Variants in TNIK observed in about 807,000 individuals in gnomAD.
TNIK encodes the protein TRAF2 and NCK-interacting protein kinase.
Under a neutral mutation model 191.3 loss-of-function variants are expected in TNIK, and 49 were observed. The observed-to-expected ratio is 0.26, with a 90% confidence interval of 0.20 to 0.32. The LOEUF (loss-of-function observed/expected upper bound fraction) is 0.32. TNIK is among the 10% of genes least tolerant of loss of function. The pLI is 1.00. For synonymous variants in TNIK, 594 were observed against 600.9 expected (o/e 0.99, Z 0.17); for missense variants, 1,155 against 1,702.3 (o/e 0.68, Z 5.66).
chr3:171,099,591 G>A (rs1271010215), intron 22 of TNIK, among the ~76,000 whole-genome samples: 2 of 152,064 alleles, frequency 1.3e-5, no homozygotes, highest in African/African-American at 4.8e-5. Context: ...CAGAAAAGGA[G>A]ACAAAGACCT....
chr3:171,327,900 TAAAAAAAA>T lies in TNIK; in HGVS notation c.123+41712_123+41719del, dbSNP rs71634497. Among the ~76,000 whole-genome samples the T allele has an allele frequency of 9.3e-3, 741 of 79,616 alleles. 5 individuals carry two copies. Among genetic ancestry groups the T allele is most frequent in the African/African-American group, 0.015 (355 of 24,452 alleles). The allele number at this position is 79,616 out of a possible 152,430, so 52.2% of individuals were successfully genotyped here. ...ATCTGTGGCTCCCAAACCTGGCTCA[TAAAAAAAA>T]AAAAAAAAAAAAAAAAAAAAAAATC... On this transcript the variant is annotated intron_variant, in intron 2 of 32. Transcript: ENST00000436636.
At chr3:171,441,072 T>G (rs927629814) in intron 1 of TNIK, among the ~76,000 whole-genome samples, 2 of 152,158 alleles carry the variant, frequency 1.3e-5, no homozygotes, top group Non-Finnish European at 2.9e-5. Context: ...AGAGAACCCA[T>G]CTATCTCTCC....
chr3:171,110,091 C>T (rs565276300), intron 19 of TNIK, among the ~76,000 whole-genome samples: 31 of 152,036 alleles, frequency 2.0e-4, no homozygotes, highest in Non-Finnish European at 3.8e-4. Flanking sequence ...TTTTTAGTAG[C>T]GATGGGGTTT....
intron 4 of TNIK, among the ~76,000 whole-genome samples, chr3:171,205,977 T>C (rs1051078187): frequency 6.6e-6 from 1 of 152,198 alleles, no homozygotes; most frequent in African/African-American, 2.4e-5. Flanking sequence ...GATTTCAATA[T>C]ATGAATTTTG....
At chr3:171,346,557 CTG>C (rs1712223896) in intron 2 of TNIK, among the ~76,000 whole-genome samples, 1 of 152,108 alleles carries the variant, frequency 6.6e-6, no homozygotes, top group South Asian at 2.1e-4. Context: ...AGCTTATAGT[CTG>C]ATAAATATAT....
At chr3:171,073,799 A>C (rs1319354157) in intron 28 of TNIK, among the ~76,000 whole-genome samples, 1 of 151,934 alleles carries the variant, frequency 6.6e-6, no homozygotes, top group South Asian at 2.1e-4. Context: ...CAAAACCACA[A>C]TGAGATGCCA....
intron 1 of TNIK, among the ~76,000 whole-genome samples, chr3:171,449,461 A>G (rs1465444998): frequency 6.6e-6 from 1 of 152,208 alleles, no homozygotes; most frequent in Non-Finnish European, 1.5e-5. Context: ...CCCATGAAAA[A>G]GAGTTTTAAA....
At chr3:171,315,364 G>A (rs973727131) in intron 2 of TNIK, among the ~76,000 whole-genome samples, 1 of 152,056 alleles carries the variant, frequency 6.6e-6, no homozygotes, top group Admixed American at 6.6e-5. Context: ...AACTCACCCT[G>A]ATCTCTTACC....
intron 2 of TNIK, among the ~76,000 whole-genome samples, chr3:171,358,008 C>T (rs546283295): frequency 6.6e-6 from 1 of 152,162 alleles, no homozygotes; most frequent in East Asian, 1.9e-4. Context: ...AGAGGTGCAT[C>T]GGGGAGTGTT....
intron 1 of TNIK, among the ~76,000 whole-genome samples, chr3:171,384,975 T>G (rs1461744752): frequency 6.6e-6 from 1 of 152,178 alleles, no homozygotes; most frequent in Non-Finnish European, 1.5e-5. Context: ...CTAAAGAGAA[T>G]GAAGGAATTT....
chr3:171,210,976 A>T, intron 4 of TNIK, 140 bp downstream of exon 4: 1 of 1,097,574 alleles, frequency 9.1e-7, no homozygotes, highest in Non-Finnish European at 1.3e-6. Flanking sequence ...AAAACCCTGA[A>T]AACAATATGT....
chr3:171,444,406 T>C (rs1054021099), intron 1 of TNIK, among the ~76,000 whole-genome samples: 2 of 152,060 alleles, frequency 1.3e-5, no homozygotes, highest in African/African-American at 4.8e-5. Flanking sequence ...GCTGAAAGAA[T>C]TTGTGAATAT....
chr3:171,389,273 CTG>C (rs148884333), intron 1 of TNIK, among the ~76,000 whole-genome samples: 3,714 of 152,260 alleles, frequency 0.024, 137 homozygotes, highest in African/African-American at 0.086. Flanking sequence ...GTACCAGAAA[CTG>C]TGTCCGTTGG....
At chr3:171,396,330 A>G (rs1720251171) in intron 1 of TNIK, among the ~76,000 whole-genome samples, 1 of 152,228 alleles carries the variant, frequency 6.6e-6, no homozygotes, top group Non-Finnish European at 1.5e-5. Context: ...GTTTGGAGAC[A>G]CCAAACTTTA....
chr3:171,110,892 G>C lies in TNIK; in HGVS notation c.2121-15C>G. On this transcript the variant is annotated splice_polypyrimidine_tract_variant and intron_variant, in intron 18 of 32. Transcript: ENST00000436636. ...GATCAGGGTTGCTGTGTGAGTGACA[G>C]AGCACACTGGTTACACTCTCCAGAC... 1 of 1,590,180 alleles carries C rather than the reference G, an allele frequency of 6.3e-7. No homozygotes were observed. The highest frequency in any genetic ancestry group is 1.2e-5 in the South Asian group (1 of 86,126).
At chr3:171,120,413 C>T (rs1474164356) in intron 18 of TNIK, among the ~76,000 whole-genome samples, 1 of 149,650 alleles carries the variant, frequency 6.7e-6, no homozygotes, top group Non-Finnish European at 1.5e-5. Flanking sequence ...CTCCGCTTCC[C>T]GGATTCGCGC....
chr3:171,161,836 C>T (rs942896963), intron 10 of TNIK, among the ~76,000 whole-genome samples: 49 of 152,076 alleles, frequency 3.2e-4, no homozygotes, highest in African/African-American at 1.2e-3. Context: ...AGGAGAATGG[C>T]GCAAACCCAG....
chr3:171,258,805 G>C (rs1159805350), intron 2 of TNIK, among the ~76,000 whole-genome samples: 1 of 152,104 alleles, frequency 6.6e-6, no homozygotes, highest in Non-Finnish European at 1.5e-5. Flanking sequence ...TATCCTATTG[G>C]TGAAGTATCA....
intron 22 of TNIK, among the ~76,000 whole-genome samples, chr3:171,098,379 A>G (rs1001522523): frequency 1.3e-5 from 2 of 152,192 alleles, no homozygotes; most frequent in Non-Finnish European, 2.9e-5. Flanking sequence ...CCATAATTAT[A>G]TTACCCAGAG....
Sources: gnomAD v4.1 joint callset for allele counts (sites outside exome capture counted in the v4.1 genomes callset) on GRCh38, gnomAD v4.1.1 for gene constraint, MANE v1.5 for transcripts, NCBI Gene and HGNC (gene_info 2026-07-23, HGNC 2026-07-21) for gene names.